Variants in ACBD6 observed in about 807,000 individuals in gnomAD.
ACBD6 encodes the protein acyl-CoA-binding domain-containing protein 6.
Under a neutral mutation model 37.2 loss-of-function variants are expected in ACBD6, and 28 were observed. The observed-to-expected ratio is 0.75, with a 90% CI of 0.56 to 1.03. The LOEUF is 1.03. ACBD6 is among the 50% of genes least tolerant of loss of function. The pLI is 0.00. For synonymous variants in ACBD6, 113 were observed against 126.8 expected (o/e 0.89, Z 0.73); for missense variants, 340 against 337.4 (o/e 1.01, Z -0.06).
intron 7 of ACBD6, among the ~76,000 whole-genome samples, chr1:180,299,669 CAT>C (rs1002030691): frequency 4.3e-4 from 66 of 152,058 alleles, no homozygotes; most frequent in African/African-American, 1.5e-3. Context: ...ACTGAGGGCT[CAT>C]GAGGATACAA....
Position 180,318,715 on chromosome 1 carries a change from A to G in ACBD6, c.664-3993T>C, listed in dbSNP as rs538351699. Among the ~76,000 whole-genome samples, 13 of 152,280 alleles carry G rather than the reference A, an allele frequency of 8.5e-5. No homozygotes were observed. The East Asian group carries it at 2.5e-3, about 29-fold the overall frequency. ...GAGCACAGGCTAAGACAAACTCTCT[A>G]TGCCAATTCTGTCAGTGGGTAGAAT... On this transcript the variant is annotated intron_variant, in intron 6 of 7. Coordinates refer to ENST00000367595, the MANE Select transcript of ACBD6 (RefSeq NM_032360.4).
chr1:180,293,885 G>C (rs72713000), intron 7 of ACBD6, among the ~76,000 whole-genome samples: 2 of 151,446 alleles, frequency 1.3e-5, no homozygotes, highest in South Asian at 4.2e-4. Context: ...GGGACTAAAG[G>C]CATGCACTTC....
intron 6 of ACBD6, among the ~76,000 whole-genome samples, chr1:180,346,924 G>C (rs911469800): frequency 2.6e-5 from 4 of 152,104 alleles, no homozygotes; most frequent in Non-Finnish European, 4.4e-5. Flanking sequence ...GCTGAGGTGG[G>C]AGGATTGCTT....
At chr1:180,318,591 A>G (rs567488487) in intron 6 of ACBD6, among the ~76,000 whole-genome samples, 1 of 152,292 alleles carries the variant, frequency 6.6e-6, no homozygotes, top group South Asian at 2.1e-4. Flanking sequence ...TCAGCTTAAG[A>G]TCACTTAGTT....
chr1:180,401,040 C>G (rs145502573), intron 5 of ACBD6, among the ~76,000 whole-genome samples: 4 of 152,150 alleles, frequency 2.6e-5, no homozygotes, highest in Admixed American at 2.0e-4. Context: ...ATTTTTATTG[C>G]TACCAAAATA....
downstream of ACBD6, among the ~76,000 whole-genome samples, chr1:180,286,644 G>T (rs1001750139): frequency 6.6e-6 from 1 of 152,158 alleles, no homozygotes; most frequent in Non-Finnish European, 1.5e-5. Flanking sequence ...AACAGACAGT[G>T]AAGAGAATGC....
At chr1:180,289,038 T>TAAAAAAA (rs11353397) in intron 7 of ACBD6, among the ~76,000 whole-genome samples, 3 of 102,966 alleles carry the variant, frequency 2.9e-5, no homozygotes, top group African/African-American at 3.6e-5. Context: ...CTACAGGAAC[T>TAAAAAAA]AAAAAAAAAA....
intron 3 of ACBD6, among the ~76,000 whole-genome samples, chr1:180,476,775 G>A (rs1448668336): frequency 6.6e-6 from 1 of 152,060 alleles, no homozygotes; most frequent in Non-Finnish European, 1.5e-5. Flanking sequence ...GCAGTGAGCT[G>A]AGATCATGCC....
At chr1:180,344,461 A>T (rs79432553) in intron 6 of ACBD6, among the ~76,000 whole-genome samples, 1,939 of 152,324 alleles carry the variant, frequency 0.013, 41 homozygotes, top group African/African-American at 0.044. Context: ...ATATATTTTT[A>T]AAAAAGTATT....
intron 8 of ACBD6, among the ~76,000 whole-genome samples, chr1:180,282,972 GTTTTTTTTT>G (rs34828086): frequency 0.068 from 7,459 of 110,218 alleles, 611 homozygotes; most frequent in African/African-American, 0.21. Context: ...ATGTCTTTCT[GTTTTTTTTT>G]TTTTTTTTTT....
At chr1:180,330,988 G>C (rs1477461865) in intron 6 of ACBD6, among the ~76,000 whole-genome samples, 6 of 152,222 alleles carry the variant, frequency 3.9e-5, no homozygotes, top group Non-Finnish European at 8.8e-5. Context: ...TCAGACTGGA[G>C]TCCTTGAGGT....
chr1:180,364,334 T>C (rs1338552009), intron 6 of ACBD6, among the ~76,000 whole-genome samples: 1 of 152,244 alleles, frequency 6.6e-6, no homozygotes, highest in Non-Finnish European at 1.5e-5. Context: ...AGACATCTTA[T>C]ATAATGTACA....
rs562783650 is a variant in ACBD6 at position 180,411,885 on chromosome 1, T to A, written c.573+1481A>T. ...TGGGATCTCACTATGTTGGCCAGGC[T>A]GGTCTCAAGCTCCTGGCCTCGTGAT... On this transcript the variant is annotated intron_variant, in intron 5 of 7. Coordinates refer to ENST00000367595, the MANE Select transcript of ACBD6 (RefSeq NM_032360.4). Among the ~76,000 whole-genome samples, 9 of 152,220 alleles carry A rather than the reference T, an allele frequency of 5.9e-5. 1 individual carries two copies. In the South Asian group the frequency reaches 1.9e-3, roughly 32 times the overall value.
intron 3 of ACBD6, among the ~76,000 whole-genome samples, chr1:180,466,569 A>C (rs2102050465): frequency 6.6e-6 from 1 of 152,312 alleles, no homozygotes; most frequent in Admixed American, 6.5e-5. Flanking sequence ...GAATGAAATT[A>C]ATGACTTATT....
At chr1:180,398,662 C>G (rs1159481114) in intron 5 of ACBD6, among the ~76,000 whole-genome samples, 1 of 152,138 alleles carries the variant, frequency 6.6e-6, no homozygotes, top group African/African-American at 2.4e-5. Context: ...TATTTCTATT[C>G]TCTACTGCCA....
intron 3 of ACBD6, among the ~76,000 whole-genome samples, chr1:180,450,015 C>T (rs184165242): frequency 2.5e-4 from 37 of 148,372 alleles, no homozygotes; most frequent in African/African-American, 9.2e-4. Context: ...CCCCCCACCC[C>T]AAAAATCTTC....
intron 6 of ACBD6, 152 bp downstream of exon 6, chr1:180,397,364 C>CG: frequency 1.4e-6 from 1 of 733,940 alleles, no homozygotes; most frequent in South Asian, 1.6e-5. Context: ...AACAGTATTA[C>CG]GGAACTATAT....
intron 6 of ACBD6, among the ~76,000 whole-genome samples, chr1:180,364,979 C>T (rs1325161801): frequency 6.6e-6 from 1 of 152,138 alleles, no homozygotes; most frequent in Non-Finnish European, 1.5e-5. Flanking sequence ...GTGATCCGCC[C>T]ACCTTGGCCT....
At chr1:180,349,171 G>C (rs1026063410) in intron 6 of ACBD6, among the ~76,000 whole-genome samples, 2 of 151,544 alleles carry the variant, frequency 1.3e-5, no homozygotes, top group East Asian at 1.9e-4. Context: ...AAAATAGAAC[G>C]CTTCACGAAC....
Sources: gnomAD v4.1 joint callset for allele counts (sites outside exome capture counted in the v4.1 genomes callset) on GRCh38, gnomAD v4.1.1 for gene constraint, MANE v1.5 for transcripts, NCBI Gene and HGNC (gene_info 2026-07-23, HGNC 2026-07-21) for gene names.